USP25: variants seen among roughly 807,000 people sequenced by gnomAD.
The protein encoded by USP25 is ubiquitin carboxyl-terminal hydrolase 25.
USP25 carries 85 observed loss-of-function variants against 158.5 expected under a neutral mutation model. That is an observed-to-expected ratio of 0.54 (90% CI 0.45 to 0.64). USP25 has a LOEUF of 0.64. Among genes scored for constraint, USP25 ranks in the 30% least tolerant of loss-of-function variants. The pLI, the probability that USP25 is intolerant of heterozygous loss-of-function variation, is 0.00. For synonymous variants in USP25, 464 were observed against 460.4 expected, an observed-to-expected ratio of 1.01 and a Z score of -0.10; for missense variants, 1,242 against 1,327.3, an observed-to-expected ratio of 0.94 and a Z score of 1.00.
In USP25 at chr21:15,766,225, G is replaced by T. The variant is rs1600847112; in HGVS notation, c.268+84G>T. On this transcript the variant is annotated intron_variant, in intron 3 of 25. Transcript: ENST00000400183. The surrounding 1 kb of genome is among the most constrained non-coding windows in gnomAD (Gnocchi z 4.0). ...GTGTAATATATTAATGTTGCTTAAG[G>T]AGAGGTAAAGAACCAAAAAAGAACT... The T allele has an allele frequency of 7.6e-7, 1 of 1,323,526 alleles. No homozygotes were observed. The highest frequency in any genetic ancestry group is 9.9e-7 in the Non-Finnish European group (1 of 1,013,418). The allele number at this position is 1,323,526 out of a possible 1,614,324, so 82.0% of individuals were successfully genotyped here. A position where few individuals can be genotyped will look rare whatever the true frequency, so the allele number is the denominator to read the frequency against.
intron 1 of USP25, among the ~76,000 whole-genome samples, chr21:15,745,360 G>A (rs1453709633): frequency 1.3e-5 from 2 of 151,712 alleles, no homozygotes; most frequent in Non-Finnish European, 2.9e-5. Context: ...CCAATGTGTG[G>A]CTTGTATTTG....
At chr21:15,874,693 T>G (rs2040030613) in intron 24 of USP25, among the ~76,000 whole-genome samples, 167 bp downstream of exon 24, 2 of 152,336 alleles carry the variant, frequency 1.3e-5, no homozygotes, top group South Asian at 4.1e-4. Context: ...ACTCAGTACT[T>G]TATTCTTTTC....
chr21:15,846,404 C>T (rs988986283), intron 18 of USP25, among the ~76,000 whole-genome samples: 3 of 151,406 alleles, frequency 2.0e-5, no homozygotes, highest in African/African-American at 4.9e-5. Flanking sequence ...TCAAGTGATA[C>T]GCCCATCTTG....
chr21:15,824,241 C>A, intron 11 of USP25, 75 bp downstream of exon 11: 3 of 1,535,416 alleles, frequency 2.0e-6, no homozygotes, highest in Non-Finnish European at 2.6e-6. Flanking sequence ...GAGGAAAATT[C>A]TGCATAATTT....
intron 1 of USP25, 110 bp downstream of exon 1, chr21:15,730,548 T>C: frequency 2.5e-6 from 3 of 1,195,422 alleles, no homozygotes; most frequent in Non-Finnish European, 3.1e-6. Context: ...CCGGGCTTCC[T>C]CCCCGGTCAC....
At chr21:15,834,655 T>G (rs1038815262) in intron 17 of USP25, among the ~76,000 whole-genome samples, 1 of 152,234 alleles carries the variant, frequency 6.6e-6, no homozygotes, top group Non-Finnish European at 1.5e-5. Context: ...CATGCACAAA[T>G]CTGTCCAGAT....
At chr21:15,732,414 A>G (rs554818728) in intron 1 of USP25, among the ~76,000 whole-genome samples, 2 of 152,372 alleles carry the variant, frequency 1.3e-5, no homozygotes, top group Non-Finnish European at 2.9e-5. Context: ...CAAGTAAACC[A>G]TCTACCTCGA....
intron 5 of USP25, among the ~76,000 whole-genome samples, chr21:15,793,750 G>T (rs574436680): frequency 1.3e-5 from 2 of 151,522 alleles, no homozygotes; most frequent in Non-Finnish European, 3.0e-5. Context: ...TGTGGAAAAT[G>T]ATGAGTGGGC....
intron 5 of USP25, among the ~76,000 whole-genome samples, chr21:15,798,744 A>G (rs1332681159): frequency 6.6e-6 from 1 of 151,250 alleles, no homozygotes; most frequent in African/African-American, 2.4e-5. Flanking sequence ...TACCAGCTTT[A>G]TGGTTTTACC....
chr21:15,853,868 A>G (rs1422550193), intron 20 of USP25, among the ~76,000 whole-genome samples: 1 of 152,190 alleles, frequency 6.6e-6, no homozygotes, highest in Non-Finnish European at 1.5e-5. Context: ...GTAAGATCAT[A>G]CGAGCCTAGC....
intron 1 of USP25, among the ~76,000 whole-genome samples, chr21:15,738,077 T>G (rs1259243843): frequency 6.6e-6 from 1 of 152,224 alleles, no homozygotes; most frequent in Non-Finnish European, 1.5e-5. Flanking sequence ...CTTGCTTTAT[T>G]GAAAAGTTAA....
chr21:15,867,470 A>G (rs955761992), intron 22 of USP25, among the ~76,000 whole-genome samples: 3 of 152,254 alleles, frequency 2.0e-5, no homozygotes, highest in Non-Finnish European at 1.5e-5. Context: ...AATAGGAAAT[A>G]ATAAAACTGC....
chr21:15,780,713 A>G (rs746396427), intron 4 of USP25, among the ~76,000 whole-genome samples: 5 of 152,188 alleles, frequency 3.3e-5, no homozygotes, highest in African/African-American at 4.8e-5. Flanking sequence ...ATGTCCAGGA[A>G]TAGTCAGGGT....
In USP25 at chr21:15,836,270, G is replaced by A. The variant is rs114426186; in HGVS notation, c.2194+2722G>A. On this transcript the variant is annotated intron_variant, in intron 17 of 25. Coordinates refer to ENST00000400183, the MANE Select transcript of USP25 (RefSeq NM_001283041.3). Reference sequence around the variant, plus strand: ...TTCTACTGAGTGATATTCCAATTAAGAGTACTAATTCATATTATATTAATC... The same window carrying A: ...TTCTACTGAGTGATATTCCAATTAAAAGTACTAATTCATATTATATTAATC... 7.9e-3 allele frequency among the ~76,000 whole-genome samples: 1,200 copies of A among 152,240 alleles called. 21 individuals are homozygous for A. The highest frequency in any genetic ancestry group is 0.028 in the African/African-American group (1,148 of 41,524).
intron 22 of USP25, among the ~76,000 whole-genome samples, chr21:15,866,756 A>T (rs956133149): frequency 4.6e-5 from 7 of 152,122 alleles, no homozygotes; most frequent in Non-Finnish European, 7.4e-5. Flanking sequence ...CCCTTTACAT[A>T]TATTAACTGA....
intron 20 of USP25, among the ~76,000 whole-genome samples, chr21:15,853,371 C>A (rs2038984475): frequency 6.6e-6 from 1 of 152,158 alleles, no homozygotes; most frequent in East Asian, 1.9e-4. Flanking sequence ...ACATGTACAC[C>A]CACACAGTAT....
At chr21:15,815,243 A>T (rs1418721840) in intron 9 of USP25, among the ~76,000 whole-genome samples, 1 of 152,186 alleles carries the variant, frequency 6.6e-6, no homozygotes, top group Non-Finnish European at 1.5e-5. Flanking sequence ...AAATGCCTGG[A>T]TGTCCAGGCA....
At chr21:15,830,694 ATGTTT>A (rs1237042629) in intron 15 of USP25, 93 bp downstream of exon 15, 14 of 1,074,488 alleles carry the variant, frequency 1.3e-5, no homozygotes, top group Non-Finnish European at 1.8e-5. Flanking sequence ...TTTTCTTTAC[ATGTTT>A]TGTTTTAAAA....
chr21:15,800,525 A>G (rs1333164204), intron 6 of USP25, among the ~76,000 whole-genome samples: 4 of 149,792 alleles, frequency 2.7e-5, no homozygotes, highest in Non-Finnish European at 6.0e-5. Context: ...CAGTTAAACA[A>G]TAAAAAAAAT....
Sources: allele counts gnomAD v4.1 joint callset (sites outside exome capture counted in the v4.1 genomes callset), GRCh38; gene constraint gnomAD v4.1.1; non-coding constraint Gnocchi (gnomAD v3.1); transcripts MANE v1.5; gene names NCBI Gene and HGNC (gene_info 2026-07-23, HGNC 2026-07-21).